The following DRAP1 variants were observed in gnomAD, a reference collection of about 807,000 sequenced individuals.
DRAP1 encodes the protein DR1 associated protein 1.
In DRAP1, 10 loss-of-function variants were observed where a neutral mutation model predicts 24.1. That is an observed-to-expected ratio of 0.41 (90% CI 0.26 to 0.70). DRAP1 has a LOEUF of 0.70. Ranked by LOEUF, DRAP1 falls within the 30% of genes least tolerant of loss-of-function variation. DRAP1 has a pLI of 0.29. For synonymous variants in DRAP1, 122 were observed against 113.8 expected, an observed-to-expected ratio of 1.07 and a Z score of -0.46; for missense variants, 264 against 275.6, an observed-to-expected ratio of 0.96 and a Z score of 0.30.
chr11:65,920,771 G>A (rs1854540547), intron 5 of DRAP1, 109 bp downstream of exon 5: 6 of 1,455,094 alleles, frequency 4.1e-6, no homozygotes, highest in Non-Finnish European at 4.6e-6. Context: ...CAACCTGTTT[G>A]CTCACTGGTT....
chr11:65,920,060 G>A lies in DRAP1; in HGVS notation c.209+19G>A. 1 of 1,610,810 alleles carries A rather than the reference G, an allele frequency of 6.2e-7. No individual in the cohort carries two copies. Among genetic ancestry groups the A allele is most frequent in the Non-Finnish European group, 8.5e-7 (1 of 1,178,690 alleles). The stretch of plus-strand genomic sequence containing the variant: ...CCCACCTGTGAGCGGCGAGGAGCCG[G>A]GAGGGGCCGGCGGGTTTGGCGCGGG... On this transcript the variant is annotated intron_variant, in intron 3 of 6. Transcript: ENST00000312515.
Position 65,919,829 on chromosome 11 carries a change from C to T in DRAP1, c.92C>T (p.Ala31Val). 1 of 1,612,666 alleles carries T rather than the reference C, an allele frequency of 6.2e-7. No homozygotes were observed. Among genetic ancestry groups the T allele is most frequent in the Non-Finnish European group, 8.5e-7 (1 of 1,179,910 alleles). Residue 31 changes from alanine to valine, a missense_variant, in exon 2 of 7, where the codon GCG (alanine) becomes GTG (valine). By Grantham distance (64) the Ala-to-Val change is moderately conservative. Transcript: ENST00000312515. The stretch of plus-strand genomic sequence containing the variant: ...ACGGACGAAGAGATTGGGAAGGTGG[C>T]GGCGGCGGTGCCTGTCATCATCTGT... ...MQTDEEIGKV[A>V]AAVPVIISRA...
intron 6 of DRAP1, 66 bp downstream of exon 6, chr11:65,921,038 C>A: frequency 8.0e-7 from 1 of 1,247,852 alleles, no homozygotes; most frequent in Non-Finnish European, 1.1e-6. Context: ...CCCTCTTGTT[C>A]TCCCTGGCCC....
At chr11:65,920,311 C>T (rs1418018391) in intron 3 of DRAP1, 32 bp from the exon 4 acceptor site, 2 of 1,613,220 alleles carry the variant, frequency 1.2e-6, no homozygotes, top group South Asian at 1.1e-5. Flanking sequence ...CTGGGCCCCT[C>T]TTGAGTGCCA....
chr11:65,920,741 C>A, intron 5 of DRAP1, 79 bp downstream of exon 5: 1 of 1,446,602 alleles, frequency 6.9e-7, no homozygotes, highest in Non-Finnish European at 9.2e-7. Context: ...TGGCAGGAGG[C>A]CAGCTCTCAT....
intron 1 of DRAP1, 62 bp from the exon 2 acceptor site, chr11:65,919,718 C>G: frequency 6.2e-7 from 1 of 1,601,388 alleles, no homozygotes; most frequent in South Asian, 1.1e-5. Context: ...GCCCCTTCCT[C>G]CCCCAGCACC....
Position 65,920,343 on chromosome 11 carries a change from G to A in DRAP1, c.210G>A (p.Leu70=). The A allele has an allele frequency of 6.2e-7, 1 of 1,614,058 alleles. No homozygotes were observed. Among genetic ancestry groups the A allele is most frequent in the Non-Finnish European group, 8.5e-7 (1 of 1,180,022 alleles). Residue 70 remains leucine, a splice_region_variant and synonymous_variant, in exon 4 of 7, where the codon CTG becomes CTA. Coordinates refer to ENST00000312515, the MANE Select transcript of DRAP1 (RefSeq NM_006442.4). ...GCCAGCCCCTCCTCACCTCTTCCAG[G>A]AAGCAGTGCATCGAGCTGGAGCAGC... The part of the protein sequence containing the change: ...RNAKTMTTSH[L]KQCIELEQQF...
Position 65,920,172 on chromosome 11 carries a change from G to GGA in DRAP1, c.209+135_209+136dup, listed in dbSNP as rs145675717. 3.0e-4 allele frequency: 422 copies of GGA among 1,417,186 alleles called. No individual in the cohort carries two copies. The African/African-American group carries it at 5.4e-3, about 18-fold the overall frequency. 87.8% of individuals were successfully genotyped at this position (1,417,186 alleles called of 1,614,324 possible). On this transcript the variant is annotated intron_variant, in intron 3 of 6. Transcript: ENST00000312515. ...ACCAGCAAGGCCACAGACTGGCAGA[G>GGA]GAGAGGCTGGGCTTCCAGGCAGAGG...
At position 65,919,552 on chromosome 11, in the gene DRAP1, G is replaced by T; in HGVS notation, c.42+9G>T. On this transcript the variant is annotated intron_variant, in intron 1 of 6. Coordinates refer to ENST00000312515, the MANE Select transcript of DRAP1 (RefSeq NM_006442.4). ...ACGCGCGGTTCCCGCCGGTGAGCAC[G>T]TGGCAGAGCCCGGCAGGAGTGGGCC... 6.5e-7 allele frequency: 1 copy of T among 1,548,208 alleles called. No individual in the cohort carries two copies. The highest frequency in any genetic ancestry group is 1.2e-5 in the South Asian group (1 of 84,020).
At chr11:65,919,756 T>A in intron 1 of DRAP1, 24 bp from the exon 2 acceptor site, 4 of 1,612,738 alleles carry the variant, frequency 2.5e-6, no homozygotes, top group Non-Finnish European at 3.4e-6. Flanking sequence ...CGACGGGGTC[T>A]GAACTCTGCT....
At chr11:65,920,290 G>T (rs969931200) in intron 3 of DRAP1, 53 bp from the exon 4 acceptor site, 26 of 1,610,268 alleles carry the variant, frequency 1.6e-5, no homozygotes, top group African/African-American at 5.3e-5. Context: ...ACCCACTGCG[G>T]GTTTGGGTGT....
In DRAP1 at chr11:65,920,418, G is replaced by A. The variant is rs575245089; in HGVS notation, c.285G>A (p.Gly95=). The change falls in exon 4 of 7, where the codon GGG becomes GGA. Residue 95 remains glycine, a synonymous_variant. Coordinates refer to ENST00000312515, the MANE Select transcript of DRAP1 (RefSeq NM_006442.4). ...DLVASVPDMQ[G]DGEDNHMDGD... ...TGGCATCTGTTCCCGACATGCAGGG[G>A]GACGGGGAAGACAACCACATGGATG... The A allele has an allele frequency of 9.9e-6, 16 of 1,614,138 alleles. No individual in the cohort carries two copies. The South Asian group carries it at 1.2e-4, about 12-fold the overall frequency.
At chr11:65,919,569 G>A (rs530128982) in intron 1 of DRAP1, 26 bp downstream of exon 1, 15 of 1,548,250 alleles carry the variant, frequency 9.7e-6, no homozygotes, top group Non-Finnish European at 1.2e-5. Flanking sequence ...AGCCCGGCAG[G>A]AGTGGGCCCG....
In DRAP1 at chr11:65,920,674, C is replaced by CCCAG; in HGVS notation, c.423+15_423+18dup. The CCCAG allele has an allele frequency of 6.8e-7, 1 of 1,475,904 alleles. No homozygotes were observed. The highest frequency in any genetic ancestry group is 1.4e-5 in the South Asian group (1 of 72,190). 91.4% of individuals were successfully genotyped at this position (1,475,904 alleles called of 1,614,324 possible). ...ACTCGGAGCAGGAGGTGAGTGAGGC[C>CCCAG]CCAGCCCTTCGCCCTGCCCTTGGTG... On this transcript the variant is annotated intron_variant, in intron 5 of 6. Coordinates refer to ENST00000312515, the MANE Select transcript of DRAP1 (RefSeq NM_006442.4).
rs773587877 is a variant in DRAP1, at chr11:65,920,323, C to T, written c.210-20C>T. 1.9e-6 allele frequency: 3 copies of T among 1,613,510 alleles called. No individual in the cohort carries two copies. The highest frequency in any genetic ancestry group is 2.5e-6 in the Non-Finnish European group (3 of 1,179,890). On this transcript the variant is annotated intron_variant, in intron 3 of 6. Transcript: ENST00000312515. ...TGTCTGGGCCCCTCTTGAGTGCCAG[C>T]CCCTCCTCACCTCTTCCAGGAAGCA...
chr11:65,919,585 C>T (rs1260882037), intron 1 of DRAP1, 42 bp downstream of exon 1: 1 of 1,547,910 alleles, frequency 6.5e-7, no homozygotes, highest in Non-Finnish European at 8.7e-7. Context: ...GCCCGGCTCC[C>T]GGGTGGCTTG....
intron 3 of DRAP1, 67 bp downstream of exon 3, chr11:65,920,108 A>C: frequency 6.4e-7 from 1 of 1,568,646 alleles, no homozygotes. Flanking sequence ...TGAGGAAGGC[A>C]GAGCCTGGGT....
At chr11:65,920,096 A>G (rs1313823968) in intron 3 of DRAP1, 55 bp downstream of exon 3, 63 of 1,584,928 alleles carry the variant, frequency 4.0e-5, no homozygotes, top group Non-Finnish European at 5.4e-5. Context: ...GAGTTCACAC[A>G]CTGAGGAAGG....
chr11:65,919,994 C>T lies in DRAP1; in HGVS notation c.162C>T (p.Cys54=), dbSNP rs1854527820. The T allele has an allele frequency of 6.2e-7, 1 of 1,613,826 alleles. No homozygotes were observed. Among genetic ancestry groups the T allele is most frequent in the Non-Finnish European group, 8.5e-7 (1 of 1,179,946 alleles). ...LFLESLLKKA[C]QVTQSRNAKT... is the part of the protein sequence containing the mutation. ...TAGAGTCGCTGTTGAAGAAGGCCTG[C>T]CAGGTGACCCAGTCGCGGAACGCGA... The change falls in exon 3 of 7, where the codon TGC becomes TGT. Residue 54 remains cysteine (C), a synonymous_variant. Coordinates refer to ENST00000312515, the MANE Select transcript of DRAP1 (RefSeq NM_006442.4).
Sources: allele counts gnomAD v4.1 joint callset, GRCh38; gene constraint gnomAD v4.1.1; transcripts MANE v1.5; gene names NCBI Gene and HGNC (gene_info 2026-07-23, HGNC 2026-07-21).